Variants in KDM4B observed in about 807,000 individuals in gnomAD.
The protein encoded by KDM4B is lysine-specific demethylase 4B.
In KDM4B, 32 loss-of-function variants were observed where a neutral mutation model predicts 125.2. That is an observed-to-expected ratio of 0.26 (90% CI 0.19 to 0.34). The LOEUF (loss-of-function observed/expected upper bound fraction) is 0.34, where lower values mean the gene tolerates loss of function less well. Among genes scored for constraint, KDM4B ranks in the 10% least tolerant of loss-of-function variants. The probability of loss-of-function intolerance (pLI) is 1.00; values close to 1 mark genes in which losing one functional copy is unlikely to be tolerated. For synonymous variants in KDM4B, 721 were observed against 677.9 expected (o/e 1.06, Z -0.99); for missense variants, 1,190 against 1,577.7 (o/e 0.75, Z 4.16).
intron 7 of KDM4B, among the ~76,000 whole-genome samples, chr19:5,073,353 G>A (rs907239955): frequency 2.0e-5 from 3 of 152,254 alleles, no homozygotes; most frequent in African/African-American, 4.8e-5. Context: ...GGATGCAGGC[G>A]CAGCCTGGGG....
At chr19:5,045,324 G>T (rs1356935427) in intron 5 of KDM4B, among the ~76,000 whole-genome samples, 1 of 152,160 alleles carries the variant, frequency 6.6e-6, no homozygotes, top group Non-Finnish European at 1.5e-5. Context: ...CCCTTTGCAT[G>T]CCTGTTTGCC....
intron 9 of KDM4B, among the ~76,000 whole-genome samples, chr19:5,099,421 A>T (rs1020087032): frequency 6.6e-6 from 1 of 152,204 alleles, no homozygotes; most frequent in African/African-American, 2.4e-5. Context: ...AGACAATTGA[A>T]ATATGGAAAC....
chr19:4,976,754 CGGT>C (rs2034460327), intron 1 of KDM4B, among the ~76,000 whole-genome samples: 1 of 152,190 alleles, frequency 6.6e-6, no homozygotes, highest in Non-Finnish European at 1.5e-5. Context: ...AAGTGCCCGT[CGGT>C]GGCCATCGTG....
At chr19:5,076,932 A>G in intron 7 of KDM4B, 3 of 176,198 alleles carry the variant, frequency 1.7e-5, no homozygotes, top group Non-Finnish European at 3.6e-5. Flanking sequence ...TTGTCTGGGG[A>G]GGTCGGAGGA....
At chr19:5,125,941 A>G (rs897927514) in intron 11 of KDM4B, among the ~76,000 whole-genome samples, 1 of 152,234 alleles carries the variant, frequency 6.6e-6, no homozygotes, top group Non-Finnish European at 1.5e-5. Context: ...AGAGCCTCAT[A>G]AATGCATGTT....
chr19:5,048,415 C>G (rs116534791), intron 6 of KDM4B, among the ~76,000 whole-genome samples: 2,059 of 152,320 alleles, frequency 0.014, 44 homozygotes, highest in African/African-American at 0.046. Flanking sequence ...CTGGGTGCTC[C>G]GCGGGGCTGC....
In KDM4B at chr19:5,131,843, G is replaced by C. The variant is rs751246561; in HGVS notation, c.1786-44G>C. 3.7e-6 allele frequency: 6 copies of C among 1,612,156 alleles called. 1 individual carries two copies. In the South Asian group the frequency reaches 6.6e-5, roughly 18 times the overall value. ...GTGGCTCCGAGGGAGCCCCACCCAGGGGTCTGTAGCGGGGCCCTCACTACA... is the reference window on the plus strand; with the variant it reads ...GTGGCTCCGAGGGAGCCCCACCCAGCGGTCTGTAGCGGGGCCCTCACTACA... On this transcript the variant is annotated intron_variant, in intron 12 of 22. Transcript: ENST00000159111.
chr19:5,027,544 G>GTTTTTTT (rs565728081), intron 2 of KDM4B, among the ~76,000 whole-genome samples: 1 of 134,640 alleles, frequency 7.4e-6, no homozygotes. Context: ...TCTCTTTTCA[G>GTTTTTTT]TTTTTTTTTT....
At chr19:4,985,661 T>A (rs903822023) in intron 1 of KDM4B, among the ~76,000 whole-genome samples, 15 of 152,196 alleles carry the variant, frequency 9.9e-5, no homozygotes, top group African/African-American at 2.9e-4. Flanking sequence ...GGTGTGAGCA[T>A]GGCAGGAGGC....
In KDM4B at chr19:5,144,819, G is replaced by C; in HGVS notation, c.2938G>C (p.Gly980Arg). 1 of 1,613,428 alleles carries C rather than the reference G, an allele frequency of 6.2e-7. No homozygotes were observed. The highest frequency in any genetic ancestry group is 8.5e-7 in the Non-Finnish European group (1 of 1,179,886). The change falls in exon 21 of 23, where the codon GGG becomes CGG. Residue 980 changes from glycine to arginine, a missense_variant. Physicochemically the swap from Gly to Arg is moderately radical, Grantham distance 125 (BLOSUM62 -2). Around this residue, in one of 7 missense-constraint regions of KDM4B, gnomAD observed 298 missense variants for 439.7 expected, o/e 0.68. Transcript: ENST00000159111. ...TGTCCAGCTGGGACCCCCTTCCGAGGGGGAGCTGGTGGAGCTCCGGTGGAC... is the reference window on the plus strand; with the variant it reads ...TGTCCAGCTGGGACCCCCTTCCGAGCGGGAGCTGGTGGAGCTCCGGTGGAC... ...DCVQLGPPSEGELVELRWTDG... is the reference protein window; with the variant it reads ...DCVQLGPPSERELVELRWTDG...
intron 13 of KDM4B, among the ~76,000 whole-genome samples, chr19:5,133,115 C>G (rs2039587806): frequency 6.6e-6 from 1 of 152,160 alleles, no homozygotes; most frequent in Non-Finnish European, 1.5e-5. Flanking sequence ...CACCCCACTT[C>G]CTGGGGACAG....
chr19:5,001,186 C>T (rs2035372974), intron 1 of KDM4B, among the ~76,000 whole-genome samples: 2 of 152,036 alleles, frequency 1.3e-5, no homozygotes, highest in Admixed American at 1.3e-4. Context: ...GTGTGTGCCA[C>T]CATGCCAAGC....
intron 4 of KDM4B, 68 bp downstream of exon 4, chr19:5,040,079 G>A: frequency 6.7e-7 from 1 of 1,496,918 alleles, no homozygotes; most frequent in Non-Finnish European, 9.0e-7. Context: ...GGGGGCCCTG[G>A]GGGCAGAGAA....
chr19:5,051,133 T>C (rs2037209175), intron 6 of KDM4B, among the ~76,000 whole-genome samples: 1 of 152,102 alleles, frequency 6.6e-6, no homozygotes, highest in African/African-American at 2.4e-5. Context: ...CAGCATCACA[T>C]GCCACATGCC....
At chr19:5,002,647 T>C (rs1282663802) in intron 1 of KDM4B, among the ~76,000 whole-genome samples, 1 of 151,842 alleles carries the variant, frequency 6.6e-6, no homozygotes, top group Non-Finnish European at 1.5e-5. Flanking sequence ...AGCCTGTAAT[T>C]AGCCACACCT....
intron 6 of KDM4B, among the ~76,000 whole-genome samples, chr19:5,052,804 C>CG (rs1370975673): frequency 1.3e-5 from 2 of 152,254 alleles, no homozygotes; most frequent in Non-Finnish European, 2.9e-5. Context: ...CGCTGGCGCC[C>CG]GGGGACCCTG....
At chr19:5,116,552 G>A (rs1237407947) in intron 10 of KDM4B, among the ~76,000 whole-genome samples, 3 of 152,214 alleles carry the variant, frequency 2.0e-5, no homozygotes, top group Non-Finnish European at 4.4e-5. Context: ...TAACCCAGGA[G>A]AGTCAAGGGG....
At chr19:4,981,358 G>A (rs190547424) in intron 1 of KDM4B, among the ~76,000 whole-genome samples, 279 of 152,200 alleles carry the variant, frequency 1.8e-3, no homozygotes, top group African/African-American at 6.1e-3. Flanking sequence ...TAGCTGTGCC[G>A]GCCTCCCTGA....
chr19:5,083,006 C>T (rs565322779), intron 9 of KDM4B, among the ~76,000 whole-genome samples: 38 of 152,310 alleles, frequency 2.5e-4, no homozygotes, highest in Middle Eastern at 3.4e-3. Flanking sequence ...GTGGCAGTCC[C>T]CCAGCTCCCA....
Sources: gnomAD v4.1 joint callset for allele counts (sites outside exome capture counted in the v4.1 genomes callset) on GRCh38, gnomAD v4.1.1 for gene constraint, gnomAD v4.1.1 regional missense constraint, MANE v1.5 for transcripts, NCBI Gene and HGNC (gene_info 2026-07-23, HGNC 2026-07-21) for gene names.